The following EVI5L variants were observed in gnomAD, a reference collection of about 807,000 sequenced individuals.
EVI5L encodes the protein ecotropic viral integration site 5 like.
A neutral mutation model predicts 106.1 loss-of-function variants in EVI5L; 30 were observed. The ratio of observed to expected loss-of-function variants is 0.28; its 90% confidence interval spans 0.21 to 0.38. The LOEUF (loss-of-function observed/expected upper bound fraction) is 0.38, where lower values mean the gene tolerates loss of function less well. Among genes scored for constraint, EVI5L ranks in the 10% least tolerant of loss-of-function variants. EVI5L has a pLI of 1.00. For synonymous variants in EVI5L, 489 were observed against 483.3 expected, an observed-to-expected ratio of 1.01 and a Z score of -0.15; for missense variants, 809 against 1,098.0, an observed-to-expected ratio of 0.74 and a Z score of 3.72.
In EVI5L at chr19:7,863,755, G is replaced by A. The variant is rs1979980640; in HGVS notation, c.*53G>A. The A allele has an allele frequency of 2.8e-6, 4 of 1,424,332 alleles. No homozygotes were observed. The South Asian group carries it at 4.5e-5, about 16-fold the overall frequency. The allele number at this position is 1,424,332 out of a possible 1,614,324, so 88.2% of individuals were successfully genotyped here. A position where few individuals can be genotyped will look rare whatever the true frequency, so the allele number is the denominator to read the frequency against. ...GAGGCCGCAGCCGCGGGGGGCGCCC[G>A]GGCAGTCCGCGTTCTGCTCCCCACC... On this transcript the variant is annotated 3_prime_UTR_variant, in exon 20 of 20. Coordinates refer to ENST00000538904, the MANE Select transcript of EVI5L (RefSeq NM_001159944.3). The surrounding 1 kb of genome is among the most constrained non-coding windows in gnomAD (Gnocchi z 7.7).
intron 1 of EVI5L, among the ~76,000 whole-genome samples, chr19:7,838,819 G>A (rs773813997): frequency 6.6e-6 from 1 of 152,026 alleles, no homozygotes; most frequent in Admixed American, 6.6e-5. Context: ...GAAGAAGGGA[G>A]GTTGACAGAG....
In EVI5L at chr19:7,862,211, G is replaced by A. The variant is rs1388823664; in HGVS notation, c.1734G>A (p.Leu578=). The change falls in exon 16 of 20, where the codon CTG becomes CTA. Residue 578 remains leucine (L), a synonymous_variant. Transcript: ENST00000538904. ...AGGACGAGCTGATGAGCGTGCGTCTGCGCGAGGCCCAGGCCCTGGCCGAGG... is the reference window on the plus strand; with the variant it reads ...AGGACGAGCTGATGAGCGTGCGTCTACGCGAGGCCCAGGCCCTGGCCGAGG... ...ELQDELMSVR[L]REAQALAEGR... The A allele has an allele frequency of 6.4e-7, 1 of 1,573,424 alleles. No individual in the cohort carries two copies. The highest frequency in any genetic ancestry group is 1.9e-5 in the Admixed American group (1 of 53,270).
At chr19:7,842,900 G>T (rs1049101488) in intron 1 of EVI5L, among the ~76,000 whole-genome samples, 2 of 150,030 alleles carry the variant, frequency 1.3e-5, no homozygotes, top group Non-Finnish European at 3.0e-5. Context: ...TGTGTGTATT[G>T]AGTGTGTGCA....
chr19:7,844,889 C>T (rs1978883238), intron 1 of EVI5L, among the ~76,000 whole-genome samples: 1 of 152,182 alleles, frequency 6.6e-6, no homozygotes, highest in Non-Finnish European at 1.5e-5. Context: ...GCACCTCCCC[C>T]AACCCTATTC....
rs55643468 is a variant in EVI5L at position 7,851,587 on chromosome 19, G to A, written c.897+10G>A. 204 of 1,608,770 alleles carry A rather than the reference G, an allele frequency of 1.3e-4. 1 individual carries two copies. In the East Asian group the frequency reaches 4.2e-3, roughly 33 times the overall value. On this transcript the variant is annotated intron_variant, in intron 7 of 19. Transcript: ENST00000538904. The stretch of plus-strand genomic sequence containing the variant: ...CATCTTCATGTATGAGGTGAGGACC[G>A]ATGGTGCCTGGGGAGGGAAGAGAGC...
chr19:7,859,436 G>A (rs1031030702), intron 13 of EVI5L, among the ~76,000 whole-genome samples: 3 of 152,198 alleles, frequency 2.0e-5, no homozygotes, highest in African/African-American at 7.2e-5. Flanking sequence ...ATACAGAGGT[G>A]CCCCCTCCGC....
At chr19:7,847,322 T>C (rs1259423415) in intron 2 of EVI5L, among the ~76,000 whole-genome samples, 1 of 150,896 alleles carries the variant, frequency 6.6e-6, no homozygotes, top group Non-Finnish European at 1.5e-5. Context: ...GGGCAGTGGC[T>C]CAAGCCTGTA....
At position 7,848,852 on chromosome 19, in the gene EVI5L, G is replaced by A; in HGVS notation, c.328-69G>A. 1 of 1,484,382 alleles carries A rather than the reference G, an allele frequency of 6.7e-7. No individual in the cohort carries two copies. The highest frequency in any genetic ancestry group is 9.2e-7 in the Non-Finnish European group (1 of 1,083,262). The allele number at this position is 1,484,382 out of a possible 1,614,324, so 92.0% of individuals were successfully genotyped here. Reference sequence around the variant, plus strand: ...CTGGATGAGCCACGCCTGAGGAGCTGGGCTGGGTGGCCACGGGGAGGCTGC... The same window carrying A: ...CTGGATGAGCCACGCCTGAGGAGCTAGGCTGGGTGGCCACGGGGAGGCTGC... On this transcript the variant is annotated intron_variant, in intron 3 of 19. Transcript: ENST00000538904. The surrounding 1 kb of genome is among the most constrained non-coding windows in gnomAD (Gnocchi z 4.8).
chr19:7,846,477 G>T lies in EVI5L; in HGVS notation c.-47-19G>T. 2.0e-6 allele frequency: 3 copies of T among 1,533,012 alleles called. No homozygotes were observed. Among genetic ancestry groups the T allele is most frequent in the South Asian group, 1.2e-5 (1 of 80,410 alleles). 95.0% of individuals were successfully genotyped at this position (1,533,012 alleles called of 1,614,324 possible). ...TGGGCTCCCACCCAATGCCGACCAC[G>T]CATGTCTCTGGCCCCCAGACAGAGC... On this transcript the variant is annotated intron_variant, in intron 1 of 19. Coordinates refer to ENST00000538904, the MANE Select transcript of EVI5L (RefSeq NM_001159944.3).
Position 7,863,554 on chromosome 19 carries a change from C to G in EVI5L, c.2270C>G (p.Ala757Gly). ...GAGCTACTTGGCGTAGGCGTGGGCGCTGCCCTGCAGGACGCATTGTACCCT... is the reference window on the plus strand; with the variant it reads ...GAGCTACTTGGCGTAGGCGTGGGCGGTGCCCTGCAGGACGCATTGTACCCT... Reference protein sequence around the residue: ...DEELLGVGVGAALQDALYPLS... With the variant: ...DEELLGVGVGGALQDALYPLS... Residue 757 changes from alanine (A) to glycine (G), a missense_variant, in exon 20 of 20, where the codon GCT becomes GGT. By Grantham distance (60) the Ala-to-Gly change is moderately conservative (BLOSUM62 0). Coordinates refer to ENST00000538904, the MANE Select transcript of EVI5L (RefSeq NM_001159944.3). This position sits in a 1 kb window ranked among gnomAD's most constrained non-coding sequence, Gnocchi z 7.7. The G allele has an allele frequency of 6.2e-7, 1 of 1,600,218 alleles. No homozygotes were observed. The highest frequency in any genetic ancestry group is 8.5e-7 in the Non-Finnish European group (1 of 1,174,424).
chr19:7,837,298 T>A (rs1047086590), intron 1 of EVI5L, among the ~76,000 whole-genome samples: 1 of 150,744 alleles, frequency 6.6e-6, no homozygotes, highest in Non-Finnish European at 1.5e-5. Flanking sequence ...ACCACTGCAC[T>A]CCAGCCTGGG....
chr19:7,862,459 C>T lies in EVI5L; in HGVS notation c.1872C>T (p.Tyr624=). The T allele has an allele frequency of 6.2e-7, 1 of 1,608,504 alleles. No homozygotes were observed. Among genetic ancestry groups the T allele is most frequent in the South Asian group, 1.1e-5 (1 of 90,436 alleles). The change falls in exon 17 of 20, where the codon TAC becomes TAT. Residue 624 remains tyrosine, a synonymous_variant. Transcript: ENST00000538904. ...ERAALQEKLQ[Y]LAAQNKGLQT... is the part of the protein sequence containing the mutation. Reference sequence around the variant, plus strand: ...CGGCGCTGCAGGAGAAGCTGCAGTACCTGGCTGCACAGAACAAGGGGCTGC... The same window carrying T: ...CGGCGCTGCAGGAGAAGCTGCAGTATCTGGCTGCACAGAACAAGGGGCTGC...
In EVI5L at chr19:7,856,290, C is replaced by A. The variant is rs1051970437; in HGVS notation, c.1200+222C>A. ...TTAATCCTGGAGTGGGGGCGAGTTA[C>A]AACCCAGTGGCCTGCAGCCACGGGA... On this transcript the variant is annotated intron_variant, in intron 11 of 19. Transcript: ENST00000538904. The surrounding 1 kb of genome is among the most constrained non-coding windows in gnomAD (Gnocchi z 6.6). 6.6e-6 allele frequency among the ~76,000 whole-genome samples: 1 copy of A among 152,066 alleles called. No individual in the cohort carries two copies. Among genetic ancestry groups the A allele is most frequent in the South Asian group, 2.1e-4 (1 of 4,824 alleles).
At chr19:7,846,391 G>A (rs1455776068) in intron 1 of EVI5L, 105 bp from the exon 2 acceptor site, 3 of 1,059,886 alleles carry the variant, frequency 2.8e-6, no homozygotes, top group East Asian at 2.6e-5. Context: ...GGACGGGGGT[G>A]GACCAGAGGC....
chr19:7,863,031 C>A lies in EVI5L; in HGVS notation c.2007C>A (p.Ala669=). ...LREADSMAAV[A]EMRQRIAELE... is the part of the protein sequence containing the mutation. ...AGGCGGACAGCATGGCTGCGGTGGC[C>A]GAGATGCGGCAGCGCATTGCCGAGC... The change falls in exon 18 of 20, where the codon GCC becomes GCA. Residue 669 remains alanine, a synonymous_variant. Coordinates refer to ENST00000538904, the MANE Select transcript of EVI5L (RefSeq NM_001159944.3). The surrounding 1 kb of genome is among the most constrained non-coding windows in gnomAD (Gnocchi z 7.7). 6.3e-7 allele frequency: 1 copy of A among 1,578,204 alleles called. No individual in the cohort carries two copies. The highest frequency in any genetic ancestry group is 8.6e-7 in the Non-Finnish European group (1 of 1,169,562).
At chr19:7,842,210 A>AAG (rs1188267557) in intron 1 of EVI5L, among the ~76,000 whole-genome samples, 1 of 47,638 alleles carries the variant, frequency 2.1e-5, no homozygotes, top group Non-Finnish European at 5.6e-5. Flanking sequence ...GTGCATGTAT[A>AAG]TGTGTGTGTG....
At chr19:7,849,548 C>T (rs1394569820) in intron 5 of EVI5L, among the ~76,000 whole-genome samples, 1 of 152,246 alleles carries the variant, frequency 6.6e-6, no homozygotes, top group African/African-American at 2.4e-5. Flanking sequence ...CCATCCAGGA[C>T]AGAGACCGGG....
At chr19:7,836,858 C>T (rs113981125) in intron 1 of EVI5L, among the ~76,000 whole-genome samples, 13,075 of 124,006 alleles carry the variant, frequency 0.11, 598 homozygotes, top group South Asian at 0.14. Context: ...TCTCGAACTC[C>T]TGACCTCAAG....
intron 1 of EVI5L, among the ~76,000 whole-genome samples, chr19:7,831,935 C>T (rs1978295042): frequency 6.6e-6 from 1 of 152,254 alleles, no homozygotes; most frequent in Non-Finnish European, 1.5e-5. Context: ...TCGGGGCCTG[C>T]CAGAAGCAGG....
Sources: gnomAD v4.1 joint callset for allele counts (sites outside exome capture counted in the v4.1 genomes callset) on GRCh38, gnomAD v4.1.1 for gene constraint, Gnocchi (gnomAD v3.1) non-coding constraint, MANE v1.5 for transcripts, NCBI Gene and HGNC (gene_info 2026-07-23, HGNC 2026-07-21) for gene names.